Variants in TRAF3 observed in about 807,000 individuals in gnomAD.
TRAF3 encodes the protein TNF receptor-associated factor 3.
Under a neutral mutation model 62.3 loss-of-function variants are expected in TRAF3, and 13 were observed. That is an observed-to-expected ratio of 0.21 (90% CI 0.14 to 0.33). TRAF3 has a LOEUF of 0.33. TRAF3 is among the 10% of genes least tolerant of loss of function. The pLI is 1.00. For synonymous variants in TRAF3, 269 were observed against 283.4 expected, an observed-to-expected ratio of 0.95 and a Z score of 0.51; for missense variants, 440 against 741.8, an observed-to-expected ratio of 0.59 and a Z score of 4.73.
intron 1 of TRAF3, among the ~76,000 whole-genome samples, chr14:102,780,370 T>G (rs1382986934): frequency 1.3e-5 from 2 of 152,046 alleles, no homozygotes; most frequent in Non-Finnish European, 1.5e-5. Context: ...TGTGTAAAAT[T>G]TATTATTCAT....
At chr14:102,843,631 C>G (rs1886516278) in intron 2 of TRAF3, among the ~76,000 whole-genome samples, 1 of 152,182 alleles carries the variant, frequency 6.6e-6, no homozygotes, top group African/African-American at 2.4e-5. Context: ...AGACACTGCA[C>G]TCAGGCTTAA....
At chr14:102,905,189 C>CGTG (rs1890526765) in intron 11 of TRAF3, 24 bp from the exon 12 acceptor site, 1 of 1,610,776 alleles carries the variant, frequency 6.2e-7, no homozygotes, top group East Asian at 2.2e-5. Context: ...GTCTCATTCA[C>CGTG]CAAACCCTCC....
chr14:102,829,910 G>A (rs1036631559), intron 1 of TRAF3, among the ~76,000 whole-genome samples: 6 of 152,164 alleles, frequency 3.9e-5, no homozygotes, highest in East Asian at 1.9e-4. Flanking sequence ...CAGGAGGATC[G>A]CTTGAGCCCA....
Position 102,903,433 on chromosome 14 carries a change from A to T in TRAF3, c.1135+4A>T. 2 of 1,613,502 alleles carry T rather than the reference A, an allele frequency of 1.2e-6. No individual in the cohort carries two copies. Among genetic ancestry groups the T allele is most frequent in the Non-Finnish European group, 1.7e-6 (2 of 1,179,832 alleles). On this transcript the variant is annotated splice_donor_region_variant and intron_variant, in intron 11 of 11. Transcript: ENST00000392745. This position sits in a 1 kb window ranked among gnomAD's most constrained non-coding sequence, Gnocchi z 6.4. ...GGGCAAGTGGCTCGGAACACAGGTG[A>T]GGCAGGGGCCGGGGCCGGGCCAGCA...
At chr14:102,807,183 C>T (rs2092972) in intron 1 of TRAF3, among the ~76,000 whole-genome samples, 1 of 152,172 alleles carries the variant, frequency 6.6e-6, no homozygotes, top group African/African-American at 2.4e-5. Context: ...CCCTGAAAAC[C>T]CTTTACGGCC....
chr14:102,815,249 T>G (rs555519707), intron 1 of TRAF3, among the ~76,000 whole-genome samples: 2 of 152,378 alleles, frequency 1.3e-5, no homozygotes, highest in South Asian at 4.1e-4. Flanking sequence ...TGGAGTCATT[T>G]CTAAGAAACC....
intron 2 of TRAF3, among the ~76,000 whole-genome samples, chr14:102,867,725 C>T (rs945752142): frequency 1.3e-5 from 2 of 152,150 alleles, no homozygotes; most frequent in Non-Finnish European, 2.9e-5. Flanking sequence ...GGTGCCCTTG[C>T]TACTTAGCTT....
At chr14:102,848,863 T>C (rs1886872968) in intron 2 of TRAF3, among the ~76,000 whole-genome samples, 1 of 152,212 alleles carries the variant, frequency 6.6e-6, no homozygotes, top group African/African-American at 2.4e-5. Context: ...GCTTTCTGGC[T>C]CAGCCTTTCA....
In TRAF3 at chr14:102,902,853, C is replaced by T. The variant is rs79519084; in HGVS notation, c.961-402C>T. Among the ~76,000 whole-genome samples the T allele has an allele frequency of 4.7e-3, 720 of 152,292 alleles. 5 individuals are homozygous for T. Among genetic ancestry groups the T allele is most frequent in the Non-Finnish European group, 8.2e-3 (559 of 68,024 alleles). ...AGGCGGCACCAGTGCCACTGTGAAA[C>T]AGGGAAGCCTGCTGTGGGCAGCAGA... is the stretch of plus-strand genomic sequence containing the variant. On this transcript the variant is annotated intron_variant, in intron 10 of 11. Transcript: ENST00000392745.
At chr14:102,891,012 T>A (rs1223042460) in intron 8 of TRAF3, among the ~76,000 whole-genome samples, 1 of 152,196 alleles carries the variant, frequency 6.6e-6, no homozygotes, top group African/African-American at 2.4e-5. Context: ...TTTAATTTCT[T>A]GATATTACAA....
intron 1 of TRAF3, among the ~76,000 whole-genome samples, chr14:102,822,573 T>C (rs1900049747): frequency 6.6e-6 from 1 of 152,228 alleles, no homozygotes; most frequent in South Asian, 2.1e-4. Flanking sequence ...TATCTTCACA[T>C]CTGTAATTTC....
At chr14:102,782,585 C>T (rs1047230367) in intron 1 of TRAF3, among the ~76,000 whole-genome samples, 5 of 152,144 alleles carry the variant, frequency 3.3e-5, no homozygotes, top group African/African-American at 1.2e-4. Flanking sequence ...CTCTGTCATC[C>T]ATGTTTAAAT....
At chr14:102,862,621 C>G (rs570067038) in intron 2 of TRAF3, among the ~76,000 whole-genome samples, 4 of 151,996 alleles carry the variant, frequency 2.6e-5, no homozygotes, top group Admixed American at 2.0e-4. Flanking sequence ...TGGAGTTTGT[C>G]GAGCTTCCTG....
intron 2 of TRAF3, among the ~76,000 whole-genome samples, chr14:102,830,721 T>C (rs2139628318): frequency 6.6e-6 from 1 of 152,304 alleles, no homozygotes; most frequent in South Asian, 2.1e-4. Flanking sequence ...TAGCCGAGCC[T>C]GCAAACTGGA....
At chr14:102,872,322 C>T (rs566321700) in intron 4 of TRAF3, among the ~76,000 whole-genome samples, 2 of 152,328 alleles carry the variant, frequency 1.3e-5, no homozygotes, top group Admixed American at 6.5e-5. Context: ...GGGTCACTTC[C>T]GTCATTGCAG....
At chr14:102,785,433 A>T (rs1897450955) in intron 1 of TRAF3, among the ~76,000 whole-genome samples, 1 of 152,106 alleles carries the variant, frequency 6.6e-6, no homozygotes, top group African/African-American at 2.4e-5. Context: ...TTCTCTCTTA[A>T]TTTACATTTA....
chr14:102,895,182 C>T lies in TRAF3; in HGVS notation c.820-2079C>T, dbSNP rs185450677. ...CTACCACGCGATGCTGCATATGGCC[C>T]GCTCCACATTCGTGCAGGTTGATCA... On this transcript the variant is annotated intron_variant, in intron 9 of 11. Coordinates refer to ENST00000392745, the MANE Select transcript of TRAF3 (RefSeq NM_145725.3). The T allele has an allele frequency of 1.4e-4, 61 of 451,628 alleles. No homozygotes were observed. The East Asian group carries it at 3.9e-3, about 29-fold the overall frequency. The allele number at this position is 451,628 out of a possible 1,614,324, so 28.0% of individuals were successfully genotyped here.
intron 1 of TRAF3, among the ~76,000 whole-genome samples, chr14:102,794,238 C>A (rs759385921): frequency 6.6e-5 from 10 of 152,102 alleles, no homozygotes; most frequent in African/African-American, 2.4e-4. Flanking sequence ...ACAGTGGTAC[C>A]ATCATAGCTC....
At chr14:102,840,949 A>G (rs141091831) in intron 2 of TRAF3, among the ~76,000 whole-genome samples, 55 of 152,352 alleles carry the variant, frequency 3.6e-4, no homozygotes, top group African/African-American at 1.1e-3. Flanking sequence ...AAAGGGCTGT[A>G]TAGTAACCAT....
Sources: gnomAD v4.1 joint callset for allele counts (sites outside exome capture counted in the v4.1 genomes callset) on GRCh38, gnomAD v4.1.1 for gene constraint, Gnocchi (gnomAD v3.1) non-coding constraint, MANE v1.5 for transcripts, NCBI Gene and HGNC (gene_info 2026-07-23, HGNC 2026-07-21) for gene names.